The following SDC2 variants were observed in gnomAD, a reference collection of about 807,000 sequenced individuals.
SDC2 encodes syndecan-2.
Under a neutral mutation model 22.2 loss-of-function variants are expected in SDC2, and 13 were observed. The ratio of observed to expected loss-of-function variants is 0.59; its 90% CI spans 0.38 to 0.93. The LOEUF (loss-of-function observed/expected upper bound fraction) is 0.93. Among genes scored for constraint, SDC2 ranks in the 40% least tolerant of loss-of-function variants. The pLI is 0.00. For missense variants in SDC2, 235 were observed against 246.8 expected (o/e 0.95, Z 0.32); for synonymous variants, 94 against 92.8 (o/e 1.01, Z -0.07).
chr8:96,496,597 A>T (rs879561682), intron 1 of SDC2, among the ~76,000 whole-genome samples: 29 of 147,966 alleles, frequency 2.0e-4, no homozygotes, highest in Admixed American at 6.0e-4. Flanking sequence ...GACTGAATTT[A>T]AAAAAAAATT....
In SDC2 at chr8:96,611,280, A is replaced by ATTT. The variant is rs1815171159; in HGVS notation, c.*1732_*1733insTTT. On this transcript the variant is annotated 3_prime_UTR_variant, in exon 5 of 5. Transcript: ENST00000302190. ...AAACATTTCCTTTTTCTATTTTACC[A>ATTT]CTAATTTTGTTTTAAACTGTGAGCC... 1 of 152,248 alleles carries ATTT rather than the reference A, an allele frequency of 6.6e-6. No individual in the cohort carries two copies. The highest frequency in any genetic ancestry group is 2.4e-5 in the African/African-American group (1 of 41,398). 9.4% of individuals were successfully genotyped at this position (152,248 alleles called of 1,614,324 possible).
chr8:96,577,011 G>A (rs1399507088), intron 1 of SDC2, among the ~76,000 whole-genome samples: 1 of 152,180 alleles, frequency 6.6e-6, no homozygotes, highest in African/African-American at 2.4e-5. Context: ...GGATGGAACG[G>A]TGGTGCAACT....
At chr8:96,590,838 C>G (rs1195363947) in intron 1 of SDC2, among the ~76,000 whole-genome samples, 1 of 152,176 alleles carries the variant, frequency 6.6e-6, no homozygotes, top group African/African-American at 2.4e-5. Flanking sequence ...GAGAAACACA[C>G]TTTTGGCTGC....
chr8:96,494,766 T>C (rs1454307342), intron 1 of SDC2, among the ~76,000 whole-genome samples: 7 of 152,124 alleles, frequency 4.6e-5, no homozygotes, highest in African/African-American at 1.4e-4. Flanking sequence ...GGTCCCTTCC[T>C]CCGCACACCA....
chr8:96,496,596 TA>T (rs201769519), intron 1 of SDC2, among the ~76,000 whole-genome samples: 105 of 151,926 alleles, frequency 6.9e-4, no homozygotes, highest in Middle Eastern at 3.4e-3. Flanking sequence ...AGACTGAATT[TA>T]AAAAAAAATT....
Position 96,543,756 on chromosome 8 carries a change from A to G in SDC2, c.60+49425A>G, listed in dbSNP as rs118074151. Among the ~76,000 whole-genome samples the G allele has an allele frequency of 2.7e-3, 415 of 152,326 alleles. 12 individuals are homozygous for G. In the East Asian group the frequency reaches 0.068, roughly 25 times the overall value. Reference sequence around the variant, plus strand: ...CTCACCTTGCTCTGGGGAAGCCATCATATTTGAGTTTTTAAAAATCATAAC... The same window carrying G: ...CTCACCTTGCTCTGGGGAAGCCATCGTATTTGAGTTTTTAAAAATCATAAC... On this transcript the variant is annotated intron_variant, in intron 1 of 4. Coordinates refer to ENST00000302190, the MANE Select transcript of SDC2 (RefSeq NM_002998.4).
intron 1 of SDC2, among the ~76,000 whole-genome samples, chr8:96,506,444 C>T (rs908091397): frequency 2.0e-5 from 3 of 151,874 alleles, no homozygotes; most frequent in Non-Finnish European, 4.4e-5. Context: ...ATATATTATA[C>T]ACATCATATA....
chr8:96,596,461 G>A (rs780926246), intron 2 of SDC2, among the ~76,000 whole-genome samples: 12 of 152,344 alleles, frequency 7.9e-5, no homozygotes, highest in South Asian at 6.2e-4. Flanking sequence ...ATGGGCATAA[G>A]CAAACATGAA....
At chr8:96,565,622 C>T (rs1814287761) in intron 1 of SDC2, among the ~76,000 whole-genome samples, 1 of 152,174 alleles carries the variant, frequency 6.6e-6, no homozygotes, top group Non-Finnish European at 1.5e-5. Flanking sequence ...GCTTCAATAA[C>T]TATAGTACTG....
At chr8:96,565,084 A>ATTTTTTTTTTATTTTTTTTTTTTTTTTT (rs1814274304) in intron 1 of SDC2, among the ~76,000 whole-genome samples, 1 of 67,800 alleles carries the variant, frequency 1.5e-5, no homozygotes, top group Non-Finnish European at 2.9e-5. Flanking sequence ...CCTAAATTTG[A>ATTTTTTTTTTATTTTTTTTTTTTTTTTT]TTTTTTTTTT....
chr8:96,551,622 T>C (rs1453080135), intron 1 of SDC2, among the ~76,000 whole-genome samples: 3 of 152,178 alleles, frequency 2.0e-5, no homozygotes, highest in Admixed American at 6.5e-5. Flanking sequence ...ATGCCTCTCA[T>C]CACCAAATGC....
intron 1 of SDC2, among the ~76,000 whole-genome samples, chr8:96,540,115 A>G (rs897633280): frequency 2.0e-5 from 3 of 151,704 alleles, no homozygotes; most frequent in African/African-American, 4.8e-5. Flanking sequence ...ATCTATGATT[A>G]TGCCTTTCTG....
chr8:96,563,596 A>G (rs961075334), intron 1 of SDC2, among the ~76,000 whole-genome samples: 1 of 152,158 alleles, frequency 6.6e-6, no homozygotes, highest in African/African-American at 2.4e-5. Context: ...TTTCTGATTC[A>G]TTAGGTCTGG....
chr8:96,494,743 C>T (rs1490899027), intron 1 of SDC2, among the ~76,000 whole-genome samples: 6 of 152,172 alleles, frequency 3.9e-5, no homozygotes, highest in Non-Finnish European at 5.9e-5. Context: ...CAGGGATGAC[C>T]TGGAAACTTC....
At chr8:96,500,728 T>C (rs1813148732) in intron 1 of SDC2, among the ~76,000 whole-genome samples, 1 of 150,950 alleles carries the variant, frequency 6.6e-6, no homozygotes, top group Non-Finnish European at 1.5e-5. Context: ...GGGCTTTAGG[T>C]CTTACTATTA....
At chr8:96,545,543 A>G (rs1174167139) in intron 1 of SDC2, among the ~76,000 whole-genome samples, 4 of 152,196 alleles carry the variant, frequency 2.6e-5, no homozygotes, top group African/African-American at 9.7e-5. Context: ...GAAATGGAGC[A>G]AAGTCTAAGG....
At chr8:96,604,271 T>C (rs1347468011) in intron 3 of SDC2, among the ~76,000 whole-genome samples, 1 of 152,186 alleles carries the variant, frequency 6.6e-6, no homozygotes, top group Middle Eastern at 3.2e-3. Flanking sequence ...TTTTAAAAAT[T>C]GGTTTTAAGG....
intron 1 of SDC2, among the ~76,000 whole-genome samples, chr8:96,528,717 C>T (rs1813616489): frequency 6.6e-6 from 1 of 152,060 alleles, no homozygotes; most frequent in Admixed American, 6.5e-5. Context: ...AATTATATGT[C>T]TGTAATTTAC....
chr8:96,589,565 A>G (rs747611938), intron 1 of SDC2, among the ~76,000 whole-genome samples: 4 of 152,180 alleles, frequency 2.6e-5, no homozygotes, highest in Non-Finnish European at 5.9e-5. Flanking sequence ...GGCACCTGCC[A>G]CCACACCCGC....
Sources: allele counts gnomAD v4.1 joint callset (sites outside exome capture counted in the v4.1 genomes callset), GRCh38; gene constraint gnomAD v4.1.1; transcripts MANE v1.5; gene names NCBI Gene and HGNC (gene_info 2026-07-23, HGNC 2026-07-21).